The following UBAP2 variants were observed in gnomAD, a reference collection of about 807,000 sequenced individuals.
UBAP2 encodes ubiquitin-associated protein 2.
Under a neutral mutation model 139.6 loss-of-function variants are expected in UBAP2, and 75 were observed. That is an observed-to-expected ratio of 0.54 (90% CI 0.45 to 0.65). The LOEUF is 0.65. UBAP2 is among the 30% of genes least tolerant of loss of function. The pLI is 0.00. For synonymous variants in UBAP2, 526 were observed against 526.2 expected, an observed-to-expected ratio of 1.00 and a Z score of 0.01; for missense variants, 1,368 against 1,369.6, an observed-to-expected ratio of 1.00 and a Z score of 0.02.
At chr9:33,933,918 T>G (rs1185413604) in intron 17 of UBAP2, 1 of 293,966 alleles carries the variant, frequency 3.4e-6, no homozygotes, top group East Asian at 6.2e-5. Context: ...TTTTCACACC[T>G]AAAGGAACCT....
chr9:34,009,794 G>A (rs1823582546), intron 2 of UBAP2, among the ~76,000 whole-genome samples: 1 of 148,666 alleles, frequency 6.7e-6, no homozygotes, highest in South Asian at 2.1e-4. Flanking sequence ...AAAAATAAAT[G>A]ACTTATATTT....
At chr9:33,974,644 A>G (rs1409772120) in intron 6 of UBAP2, among the ~76,000 whole-genome samples, 1 of 151,988 alleles carries the variant, frequency 6.6e-6, no homozygotes, top group Admixed American at 6.6e-5. Context: ...ACTCGACAAC[A>G]AAATACTCCA....
chr9:34,045,312 C>T (rs1245451529), intron 1 of UBAP2, among the ~76,000 whole-genome samples: 1 of 150,254 alleles, frequency 6.7e-6, no homozygotes, highest in Non-Finnish European at 1.5e-5. Flanking sequence ...CACCACTGCA[C>T]TCCAATTTGG....
chr9:33,998,768 T>C lies in UBAP2; in HGVS notation c.177+19A>G, dbSNP rs1339191921. Reference sequence around the variant, plus strand: ...AAAATAGATTATAAAAATGATGATATCCTTTGCCAGAAACATACCTGCTTA... The same window carrying C: ...AAAATAGATTATAAAAATGATGATACCCTTTGCCAGAAACATACCTGCTTA... On this transcript the variant is annotated intron_variant, in intron 3 of 28. Transcript: ENST00000379238. The C allele has an allele frequency of 6.3e-7, 1 of 1,597,058 alleles. No homozygotes were observed. The highest frequency in any genetic ancestry group is 8.5e-7 in the Non-Finnish European group (1 of 1,170,848).
intron 1 of UBAP2, among the ~76,000 whole-genome samples, chr9:34,032,698 CG>C (rs1199116116): frequency 6.6e-6 from 1 of 151,928 alleles, no homozygotes; most frequent in Non-Finnish European, 1.5e-5. Context: ...CCGAGGCAGG[CG>C]GATCACTTGA....
At chr9:33,951,416 G>A (rs1293123681) in intron 12 of UBAP2, among the ~76,000 whole-genome samples, 4 of 138,042 alleles carry the variant, frequency 2.9e-5, no homozygotes, top group African/African-American at 1.1e-4. Context: ...GCATGATCAC[G>A]GCTCGCTGCA....
chr9:33,982,006 C>A (rs929418262), intron 6 of UBAP2, among the ~76,000 whole-genome samples: 1 of 152,098 alleles, frequency 6.6e-6, no homozygotes, highest in Admixed American at 6.6e-5. Context: ...GTGAGAAGAA[C>A]AGAATTGTTA....
rs1476822112 is a variant in UBAP2 at position 33,953,429 on chromosome 9, T to C, written c.912A>G (p.Gln304=). The C allele has an allele frequency of 6.2e-7, 1 of 1,614,190 alleles. No individual in the cohort carries two copies. The highest frequency in any genetic ancestry group is 1.7e-5 in the Admixed American group (1 of 60,030). Reference sequence around the variant, plus strand: ...TTTCAAAGGAGTTGGCTTCTGAGGCTTGACTGTGAGGAACAGGCTTCTGGA... The same window carrying C: ...TTTCAAAGGAGTTGGCTTCTGAGGCCTGACTGTGAGGAACAGGCTTCTGGA... ...ALLQKPVPHS[Q]ASEANSFETS... The change falls in exon 12 of 29, where the codon CAA becomes CAG. Residue 304 remains glutamine, a synonymous_variant. Coordinates refer to ENST00000379238, the MANE Select transcript of UBAP2 (RefSeq NM_001370062.2).
chr9:34,008,090 G>C (rs530007904), intron 2 of UBAP2, among the ~76,000 whole-genome samples: 12 of 151,940 alleles, frequency 7.9e-5, no homozygotes, highest in Admixed American at 1.3e-4. Flanking sequence ...AGCCGAGATC[G>C]CGCCACTGCA....
At chr9:33,987,111 CA>C (rs1373108319) in intron 5 of UBAP2, among the ~76,000 whole-genome samples, 1 of 151,530 alleles carries the variant, frequency 6.6e-6, no homozygotes, top group Non-Finnish European at 1.5e-5. Flanking sequence ...GGGCAACATA[CA>C]AAAAAATACA....
intron 6 of UBAP2, among the ~76,000 whole-genome samples, chr9:33,978,878 T>C (rs904239316): frequency 6.6e-6 from 1 of 152,162 alleles, no homozygotes; most frequent in African/African-American, 2.4e-5. Context: ...GGGAGTAAAC[T>C]ATTGTTGCCT....
intron 1 of UBAP2, among the ~76,000 whole-genome samples, chr9:34,043,292 C>G (rs539036540): frequency 2.8e-4 from 43 of 152,224 alleles, no homozygotes; most frequent in African/African-American, 9.4e-4. Flanking sequence ...CAACCTCAGC[C>G]TCCTGAGTAG....
chr9:34,009,566 TG>T (rs1587653747), intron 2 of UBAP2, among the ~76,000 whole-genome samples: 2 of 152,024 alleles, frequency 1.3e-5, no homozygotes, highest in Admixed American at 6.6e-5. Context: ...CGGTTCAAAA[TG>T]TTTTTTTATT....
chr9:33,968,333 G>A, intron 8 of UBAP2: 1 of 583,658 alleles, frequency 1.7e-6, no homozygotes, highest in Non-Finnish European at 3.4e-6. Context: ...ATGTTCATCG[G>A]TCACAGAGCC....
chr9:34,038,654 C>T (rs1007518763), intron 1 of UBAP2, among the ~76,000 whole-genome samples: 1 of 152,160 alleles, frequency 6.6e-6, no homozygotes, highest in Non-Finnish European at 1.5e-5. Flanking sequence ...TCCCACCCGC[C>T]TGCCTTGGCC....
intron 1 of UBAP2, among the ~76,000 whole-genome samples, chr9:34,045,444 G>C (rs754343501): frequency 2.6e-5 from 4 of 152,006 alleles, no homozygotes; most frequent in Non-Finnish European, 4.4e-5. Flanking sequence ...ATGGCACATG[G>C]CTCACAGCAA....
chr9:33,930,532 TG>T (rs1272492188), intron 19 of UBAP2, among the ~76,000 whole-genome samples: 4 of 151,364 alleles, frequency 2.6e-5, no homozygotes, highest in Non-Finnish European at 5.9e-5. Context: ...GATACACAAG[TG>T]GGGAAAAAAA....
chr9:33,929,603 A>G (rs1446569124), intron 19 of UBAP2, among the ~76,000 whole-genome samples: 1 of 152,234 alleles, frequency 6.6e-6, no homozygotes, highest in Non-Finnish European at 1.5e-5. Flanking sequence ...AAAAAATCAT[A>G]AACAGCAAAC....
At chr9:33,952,417 A>G (rs1026142355) in intron 12 of UBAP2, among the ~76,000 whole-genome samples, 1 of 152,212 alleles carries the variant, frequency 6.6e-6, no homozygotes, top group African/African-American at 2.4e-5. Context: ...TCAGTCATAC[A>G]GTACTAAATG....
Sources: allele counts gnomAD v4.1 joint callset (sites outside exome capture counted in the v4.1 genomes callset), GRCh38; gene constraint gnomAD v4.1.1; transcripts MANE v1.5; gene names NCBI Gene and HGNC (gene_info 2026-07-23, HGNC 2026-07-21).